CFAP61: variants seen among roughly 807,000 people sequenced by gnomAD.
The protein encoded by CFAP61 is cilia- and flagella-associated protein 61.
CFAP61 carries 107 observed loss-of-function variants against 135.6 expected under a neutral mutation model. The ratio of observed to expected loss-of-function variants is 0.79; its 90% CI spans 0.67 to 0.93. The LOEUF (loss-of-function observed/expected upper bound fraction) is 0.93. CFAP61 is among the 40% of genes least tolerant of loss of function. The pLI, the probability that CFAP61 is intolerant of heterozygous loss-of-function variation, is 0.00. For missense variants in CFAP61, 1,507 were observed against 1,556.2 expected, an observed-to-expected ratio of 0.97 and a Z score of 0.53; for synonymous variants, 575 against 578.5, an observed-to-expected ratio of 0.99 and a Z score of 0.09.
chr20:20,269,210 T>TACACATATATACATATATGTATATATAC (rs2053123591), intron 21 of CFAP61, among the ~76,000 whole-genome samples: 1 of 139,148 alleles, frequency 7.2e-6, no homozygotes, highest in African/African-American at 2.8e-5. Context: ...TATGTATATA[T>TACACATATATACATATATGTATATATAC]ACACATATAT....
chr20:20,300,121 C>A (rs990365782), intron 25 of CFAP61, among the ~76,000 whole-genome samples: 1 of 152,174 alleles, frequency 6.6e-6, no homozygotes, highest in Non-Finnish European at 1.5e-5. Context: ...TGTGGTGATG[C>A]TGGGTCAACA....
At chr20:20,247,899 C>T (rs6075634) in intron 19 of CFAP61, among the ~76,000 whole-genome samples, 34,848 of 152,162 alleles carry the variant, frequency 0.23, 4,330 homozygotes, top group South Asian at 0.28. Context: ...CCAACACACT[C>T]CAGTCCCTCA....
intron 17 of CFAP61, among the ~76,000 whole-genome samples, chr20:20,212,526 G>A (rs2146919008): frequency 6.6e-6 from 1 of 152,254 alleles, no homozygotes; most frequent in East Asian, 1.9e-4. Flanking sequence ...CAGAAGCCAG[G>A]TGGGTTTGTC....
At chr20:20,096,462 C>T (rs936167620) in intron 7 of CFAP61, among the ~76,000 whole-genome samples, 1 of 152,198 alleles carries the variant, frequency 6.6e-6, no homozygotes, top group Non-Finnish European at 1.5e-5. Context: ...AAATCAAATT[C>T]CAAACACAAT....
intron 2 of CFAP61, among the ~76,000 whole-genome samples, chr20:20,068,229 C>T (rs2045444992): frequency 6.6e-6 from 1 of 152,224 alleles, no homozygotes. Context: ...ACCATCACCA[C>T]TATCGTCAGA....
chr20:20,085,612 C>G (rs1416164841), intron 6 of CFAP61: 4 of 886,858 alleles, frequency 4.5e-6, no homozygotes, highest in Non-Finnish European at 6.7e-6. Context: ...CTTTCGGAAC[C>G]TTTATTCCTG....
At chr20:20,211,518 A>G (rs2047636351) in intron 17 of CFAP61, among the ~76,000 whole-genome samples, 1 of 152,238 alleles carries the variant, frequency 6.6e-6, no homozygotes, top group African/African-American at 2.4e-5. Flanking sequence ...AGGGGAAAAA[A>G]ACAGAATAAA....
At chr20:20,114,389 A>C (rs997432550) in intron 8 of CFAP61, among the ~76,000 whole-genome samples, 3 of 152,178 alleles carry the variant, frequency 2.0e-5, no homozygotes, top group Non-Finnish European at 4.4e-5. Flanking sequence ...AAGCCTCCTA[A>C]TCTCTGAATG....
chr20:20,171,917 AT>A, intron 13 of CFAP61: 1 of 548,504 alleles, frequency 1.8e-6, no homozygotes. Flanking sequence ...CCGTAGCCAC[AT>A]TGCAGCCCAC....
intron 2 of CFAP61, among the ~76,000 whole-genome samples, chr20:20,068,252 A>G (rs560285204): frequency 1.3e-5 from 2 of 152,346 alleles, no homozygotes; most frequent in East Asian, 3.9e-4. Context: ...TGACATGTAC[A>G]GCGTCTTGTG....
intron 8 of CFAP61, among the ~76,000 whole-genome samples, chr20:20,117,365 A>AAATAAATAAAT (rs2049226936): frequency 6.6e-6 from 1 of 151,340 alleles, no homozygotes; most frequent in East Asian, 2.0e-4. Flanking sequence ...TAATAAGTTA[A>AAATAAATAAAT]AAATAAATAA....
chr20:20,104,047 G>C (rs969259317), intron 8 of CFAP61, among the ~76,000 whole-genome samples: 1 of 152,150 alleles, frequency 6.6e-6, no homozygotes, highest in Non-Finnish European at 1.5e-5. Flanking sequence ...ACCTTACAAA[G>C]TCTCTGCAGA....
At chr20:20,348,689 C>CAAAAAAAAAAAAAA (rs71198052) in intron 26 of CFAP61, among the ~76,000 whole-genome samples, 6 of 53,428 alleles carry the variant, frequency 1.1e-4, no homozygotes, top group Admixed American at 2.9e-4. Context: ...GACTCCGTAT[C>CAAAAAAAAAAAAAA]AAAAAAAAAA....
At chr20:20,138,351 G>A (rs974210197) in intron 8 of CFAP61, among the ~76,000 whole-genome samples, 4 of 152,198 alleles carry the variant, frequency 2.6e-5, no homozygotes, top group Admixed American at 6.5e-5. Context: ...TAGGACCCCA[G>A]AGCACTTTTG....
intron 8 of CFAP61, among the ~76,000 whole-genome samples, chr20:20,106,916 T>A (rs1456116867): frequency 6.6e-6 from 1 of 152,218 alleles, no homozygotes; most frequent in East Asian, 1.9e-4. Flanking sequence ...ATAATTATAG[T>A]AATTTGGCTA....
Position 20,290,327 on chromosome 20 carries a change from A to G in CFAP61, c.3152A>G (p.Tyr1051Cys). ...QGGILPGSYH[Y>C]LHIAKPAIPT... ...GGCATTCTTCCTGGGTCTTACCATT[A>G]TCTGCATATTGCCAAGCCTGCCATT... The change falls in exon 24 of 27, where the codon TAT becomes TGT. Residue 1051 changes from tyrosine to cysteine, a missense_variant. Coordinates refer to ENST00000245957, the MANE Select transcript of CFAP61 (RefSeq NM_015585.4). 1.2e-6 allele frequency: 2 copies of G among 1,613,554 alleles called. No homozygotes were observed. Among genetic ancestry groups the G allele is most frequent in the Non-Finnish European group, 1.7e-6 (2 of 1,179,406 alleles).
rs376954721 is a variant in CFAP61, at chr20:20,290,361, C to T, written c.3186C>T (p.Pro1062=). Residue 1062 remains proline, a synonymous_variant, in exon 24 of 27, where the codon CCC becomes CCT. Coordinates refer to ENST00000245957, the MANE Select transcript of CFAP61 (RefSeq NM_015585.4). The part of the protein sequence containing the change: ...LHIAKPAIPT[P]LEVQMAQPNY... ...TTGCCAAGCCTGCCATTCCAACTCCCTTGGAGGTACAAATGGCACAGCCTA... is the reference window on the plus strand; with the variant it reads ...TTGCCAAGCCTGCCATTCCAACTCCTTTGGAGGTACAAATGGCACAGCCTA... The T allele has an allele frequency of 6.2e-6, 10 of 1,611,704 alleles. No individual in the cohort carries two copies. The highest frequency in any genetic ancestry group is 1.7e-4 in the Middle Eastern group (1 of 6,060).
chr20:20,149,393 T>C (rs1275207155), intron 9 of CFAP61, among the ~76,000 whole-genome samples: 5 of 152,322 alleles, frequency 3.3e-5, no homozygotes, highest in Admixed American at 2.0e-4. Context: ...CAAAACAGCA[T>C]GTGGAGATTC....
At chr20:20,169,087 G>T (rs1368803858) in intron 12 of CFAP61, among the ~76,000 whole-genome samples, 3 of 152,114 alleles carry the variant, frequency 2.0e-5, no homozygotes, top group Non-Finnish European at 4.4e-5. Flanking sequence ...TTGTTTATAA[G>T]ATTCATTTAT....
Sources: allele counts gnomAD v4.1 joint callset (sites outside exome capture counted in the v4.1 genomes callset), GRCh38; gene constraint gnomAD v4.1.1; transcripts MANE v1.5; gene names NCBI Gene and HGNC (gene_info 2026-07-23, HGNC 2026-07-21).